NDUFA10: variants seen among roughly 807,000 people sequenced by gnomAD.
NDUFA10 encodes the protein NADH:ubiquinone oxidoreductase subunit A10, also known as NADH dehydrogenase [ubiquinone] 1 alpha subcomplex subunit 10, mitochondrial.
NDUFA10 carries 40 observed loss-of-function variants against 47.8 expected under a neutral mutation model. That is an observed-to-expected ratio of 0.84 (90% CI 0.65 to 1.09). The LOEUF is 1.09. Ranked by LOEUF, NDUFA10 falls within the 50% of genes least tolerant of loss-of-function variation. The probability of loss-of-function intolerance (pLI) is 0.00; values close to 1 mark genes in which losing one functional copy is unlikely to be tolerated. For synonymous variants in NDUFA10, 183 were observed against 172.2 expected, an observed-to-expected ratio of 1.06 and a Z score of -0.49; for missense variants, 413 against 451.1, an observed-to-expected ratio of 0.92 and a Z score of 0.76.
chr2:239,982,334 C>T, intron 9 of NDUFA10: 1 of 1,393,106 alleles, frequency 7.2e-7, no homozygotes, highest in Non-Finnish European at 9.7e-7. Context: ...GAACTCTTTT[C>T]TAAAAAGATT....
intron 5 of NDUFA10, chr2:240,014,349 G>C: frequency 3.0e-6 from 1 of 331,170 alleles, no homozygotes; most frequent in Non-Finnish European, 5.9e-6. Context: ...AGTGATGAGG[G>C]ATATTAGAAA....
At chr2:239,937,322 T>C (rs754993028) in intron 4 of NDUFA10, among the ~76,000 whole-genome samples, 2 of 152,200 alleles carry the variant, frequency 1.3e-5, no homozygotes, top group Non-Finnish European at 2.9e-5. Context: ...TTTTAGAACA[T>C]TTCCATCATC....
chr2:239,969,528 G>C, intron 9 of NDUFA10: 1 of 388,432 alleles, frequency 2.6e-6, no homozygotes. Context: ...AGCTTCTGGT[G>C]CCAGCTGTTC....
chr2:239,935,428 G>C (rs530673111), intron 4 of NDUFA10, among the ~76,000 whole-genome samples: 1 of 152,370 alleles, frequency 6.6e-6, no homozygotes, highest in South Asian at 2.1e-4. Context: ...AGGGCCGTGT[G>C]GGGGTCAGAG....
intron 4 of NDUFA10, among the ~76,000 whole-genome samples, chr2:239,944,722 G>A (rs972142042): frequency 1.3e-5 from 2 of 152,158 alleles, no homozygotes; most frequent in African/African-American, 4.8e-5. Context: ...GACAGCCCCT[G>A]GTGGTCCCAG....
At position 240,021,382 on chromosome 2, in the gene NDUFA10, T is replaced by C. The variant is rs777490902; in HGVS notation, c.275A>G (p.His92Arg). The change falls in exon 3 of 10, where the codon CAT becomes CGT. Residue 92 changes from histidine to arginine, a missense_variant. Transcript: ENST00000252711. ...ATCTCCTGTGGTACTGTCTGGATAATGAATCCCCGCTTCAGGAAAGTGCTT... is the reference window on the plus strand; with the variant it reads ...ATCTCCTGTGGTACTGTCTGGATAACGAATCCCCGCTTCAGGAAAGTGCTT... ...GFKHFPEAGIHYPDSTTGDGK... is the reference protein window; with the variant it reads ...GFKHFPEAGIRYPDSTTGDGK... 5 of 1,614,206 alleles carry C rather than the reference T, an allele frequency of 3.1e-6. No individual in the cohort carries two copies. The highest frequency in any genetic ancestry group is 4.2e-6 in the Non-Finnish European group (5 of 1,180,046).
chr2:239,904,932 C>T (rs368067900), intron 4 of NDUFA10, among the ~76,000 whole-genome samples: 2 of 152,160 alleles, frequency 1.3e-5, no homozygotes, highest in East Asian at 1.9e-4. Context: ...TTCACACCGG[C>T]GTCTCACTGT....
At position 239,983,840 on chromosome 2, in the gene NDUFA10, G is replaced by T. The variant is rs35218058; in HGVS notation, c.999+6234C>A. 5,599 of 1,422,276 alleles carry T rather than the reference G, an allele frequency of 3.9e-3. 24 individuals are homozygous for T. The highest frequency in any genetic ancestry group is 4.2e-3 in the Non-Finnish European group (4,495 of 1,068,044). 88.1% of individuals were successfully genotyped at this position (1,422,276 alleles called of 1,614,324 possible). On this transcript the variant is annotated intron_variant, in intron 9 of 9. Coordinates refer to ENST00000252711, the MANE Select transcript of NDUFA10 (RefSeq NM_004544.4). ...CAAGAGGTACCTAAGGAGACATGAG[G>T]ACCCAATGTCATGTGATATTCTAGA...
At chr2:239,965,023 G>T (rs1443801761) in intron 9 of NDUFA10, among the ~76,000 whole-genome samples, 1 of 152,166 alleles carries the variant, frequency 6.6e-6, no homozygotes, top group Non-Finnish European at 1.5e-5. Context: ...CCAAACACAG[G>T]ACCAGCCACG....
At chr2:239,976,232 C>T (rs1695511710) in intron 9 of NDUFA10, among the ~76,000 whole-genome samples, 1 of 152,212 alleles carries the variant, frequency 6.6e-6, no homozygotes, top group African/African-American at 2.4e-5. Flanking sequence ...GGGTTAATCT[C>T]ATGCCTGCTG....
chr2:239,921,609 G>T (rs1693984341), intron 4 of NDUFA10, among the ~76,000 whole-genome samples: 1 of 150,884 alleles, frequency 6.6e-6, no homozygotes, highest in African/African-American at 2.4e-5. Context: ...GGCACTGATT[G>T]GTGTGTTTTT....
At chr2:239,944,600 C>T (rs1244859586) in intron 4 of NDUFA10, among the ~76,000 whole-genome samples, 4 of 152,304 alleles carry the variant, frequency 2.6e-5, no homozygotes, top group Non-Finnish European at 2.9e-5. Context: ...ACTGGCAGCG[C>T]GGATCAAGAA....
chr2:239,936,251 G>A (rs917743848), intron 4 of NDUFA10, among the ~76,000 whole-genome samples: 1 of 152,194 alleles, frequency 6.6e-6, no homozygotes, highest in Admixed American at 6.5e-5. Context: ...GATCTGCCAG[G>A]GTCTCTGCTG....
At chr2:239,920,049 C>T (rs892163531) in intron 4 of NDUFA10, among the ~76,000 whole-genome samples, 3 of 152,194 alleles carry the variant, frequency 2.0e-5, no homozygotes, top group Non-Finnish European at 4.4e-5. Context: ...TGCTTCCCCC[C>T]CATTCATATG....
At chr2:240,010,493 G>C (rs1217721950) in intron 6 of NDUFA10, among the ~76,000 whole-genome samples, 2 of 152,122 alleles carry the variant, frequency 1.3e-5, no homozygotes, top group Non-Finnish European at 2.9e-5. Flanking sequence ...TTTTGAGCCT[G>C]AAACTCTAGG....
intron 4 of NDUFA10, among the ~76,000 whole-genome samples, chr2:239,896,993 T>A (rs958919446): frequency 2.6e-5 from 4 of 152,382 alleles, no homozygotes; most frequent in East Asian, 1.9e-4. Flanking sequence ...GTACTTATTA[T>A]GTATTCCTTA....
chr2:239,984,744 C>G (rs1051916961), intron 9 of NDUFA10, among the ~76,000 whole-genome samples: 1 of 152,218 alleles, frequency 6.6e-6, no homozygotes, highest in African/African-American at 2.4e-5. Flanking sequence ...GCCCTGGATG[C>G]CAAGGTCCAG....
intron 4 of NDUFA10, among the ~76,000 whole-genome samples, chr2:239,932,620 C>T (rs1206206817): frequency 6.6e-6 from 1 of 151,980 alleles, no homozygotes; most frequent in Non-Finnish European, 1.5e-5. Context: ...CGCTCTGTCG[C>T]CCAGGCTGGA....
chr2:239,977,597 C>G (rs1158826666), intron 9 of NDUFA10, among the ~76,000 whole-genome samples: 1 of 152,218 alleles, frequency 6.6e-6, no homozygotes. Flanking sequence ...CAATCTGTTC[C>G]AGAGAGACTC....
Sources: allele counts gnomAD v4.1 joint callset (sites outside exome capture counted in the v4.1 genomes callset), GRCh38; gene constraint gnomAD v4.1.1; transcripts MANE v1.5; gene names NCBI Gene and HGNC (gene_info 2026-07-23, HGNC 2026-07-21).